UPRT: variants seen among roughly 807,000 people sequenced by gnomAD.
The protein encoded by UPRT is uracil phosphoribosyltransferase homolog.
Under a neutral mutation model 22.6 loss-of-function variants are expected in UPRT, and 5 were observed. The ratio of observed to expected loss-of-function variants is 0.22; its 90% CI spans 0.12 to 0.47. The LOEUF is 0.47. Among genes scored for constraint, UPRT ranks in the 20% least tolerant of loss-of-function variants. The pLI, the probability that UPRT is intolerant of heterozygous loss-of-function variation, is 0.99. For synonymous variants in UPRT, 77 were observed against 87.7 expected (o/e 0.88, Z 0.68); for missense variants, 181 against 239.9 (o/e 0.75, Z 1.62).
intron 4 of UPRT, among the ~76,000 whole-genome samples, chrX:75,261,505 C>G (rs1439616239): frequency 8.9e-6 from 1 of 111,736 alleles, no homozygotes; most frequent in Non-Finnish European, 1.9e-5. Flanking sequence ...ATAACACGCT[C>G]TGAAATTGAA....
At chrX:75,162,335 C>T (rs2082202541) in intron 2 of UPRT, among the ~76,000 whole-genome samples, 1 of 110,965 alleles carries the variant, frequency 9.0e-6, no homozygotes. Flanking sequence ...TATGAAGGAT[C>T]CAGTGAACTG....
rs1372270918 is a variant in UPRT at position 75,190,459 on chromosome X, G to C, written c.-447+22580G>C. On this transcript the variant is annotated intron_variant, in intron 4 of 13. Coordinates refer to the UPRT transcript ENST00000652605. ...GTGAATCTGTCAATTATGTGTCTTG[G>C]AGTTGCTCTTCTCAAGGAGTATCTT... 4.5e-5 allele frequency among the ~76,000 whole-genome samples: 5 copies of C among 111,367 alleles called. No individual in the cohort carries two copies. In the East Asian group the frequency reaches 1.4e-3, roughly 31 times the overall value.
At chrX:75,239,303 A>T (rs542738774) in intron 4 of UPRT, among the ~76,000 whole-genome samples, 48 of 111,852 alleles carry the variant, frequency 4.3e-4, no homozygotes, top group African/African-American at 1.5e-3. Flanking sequence ...AGAAATACAA[A>T]GGATCTTTCA....
exon 4 of UPRT, among the ~76,000 whole-genome samples, chrX:75,167,828 T>C (rs1283088650): frequency 9.1e-6 from 1 of 110,421 alleles, no homozygotes; most frequent in Non-Finnish European, 1.9e-5. Flanking sequence ...TATCCTGGAC[T>C]GTGACACATC....
At position 75,296,377 on chromosome X, in the gene UPRT, G is replaced by A. The variant is rs1168215957; in HGVS notation, c.465G>A (p.Leu155=). Residue 155 remains leucine, a synonymous_variant, in exon 3 of 7, where the codon CTG becomes CTA. Coordinates refer to ENST00000373383, the MANE Select transcript of UPRT (RefSeq NM_145052.4). ...RLVVEEGLNQ[L]PYKECMVTTP... ...TTGTGGAAGAGGGATTGAATCAGCTGCCATATAAAGAATGCATGGTGACCA... is the reference window on the plus strand; with the variant it reads ...TTGTGGAAGAGGGATTGAATCAGCTACCATATAAAGAATGCATGGTGACCA... 14 of 1,208,830 alleles carry A rather than the reference G, an allele frequency of 1.2e-5. No individual in the cohort carries two copies. In the African/African-American group the frequency reaches 1.6e-4, roughly 14 times the overall value.
At chrX:75,173,427 A>C (rs1425504964) in intron 4 of UPRT, among the ~76,000 whole-genome samples, 27 of 111,936 alleles carry the variant, frequency 2.4e-4, no homozygotes. Flanking sequence ...TGGTACACTC[A>C]CAAACCTTGA....
At chrX:75,278,130 A>AT (rs1313330785) in intron 1 of UPRT, among the ~76,000 whole-genome samples, 4 of 110,999 alleles carry the variant, frequency 3.6e-5, no homozygotes, top group Non-Finnish European at 7.5e-5. Context: ...TGGAGTACAT[A>AT]TTTTTTCTTT....
chrX:75,252,131 C>A (rs890703838), intron 4 of UPRT, among the ~76,000 whole-genome samples: 1 of 111,945 alleles, frequency 8.9e-6, no homozygotes, highest in African/African-American at 3.3e-5. Flanking sequence ...CTAGGCAGTA[C>A]CATTCAGGAC....
intron 4 of UPRT, among the ~76,000 whole-genome samples, chrX:75,215,112 G>T (rs2082389169): frequency 9.0e-6 from 1 of 111,226 alleles, no homozygotes; most frequent in South Asian, 3.8e-4. Flanking sequence ...GTTTAAAGAA[G>T]ATATCTTTTT....
At chrX:75,209,086 C>T (rs2082373741) in intron 4 of UPRT, among the ~76,000 whole-genome samples, 1 of 111,845 alleles carries the variant, frequency 8.9e-6, no homozygotes, top group African/African-American at 3.3e-5. Context: ...AAATAGGTTG[C>T]ATAATAGAGG....
At chrX:75,237,729 A>G (rs1478584012) in intron 4 of UPRT, among the ~76,000 whole-genome samples, 2 of 100,362 alleles carry the variant, frequency 2.0e-5, no homozygotes, top group African/African-American at 7.3e-5. Context: ...GTTCTCACTC[A>G]TAGGTGAGAA....
intron 4 of UPRT, among the ~76,000 whole-genome samples, chrX:75,248,156 C>G (rs1012820492): frequency 9.0e-6 from 1 of 111,720 alleles, no homozygotes; most frequent in Non-Finnish European, 1.9e-5. Context: ...AATCAGAACA[C>G]CTCTCCTCCT....
At position 75,296,344 on chromosome X, in the gene UPRT, C is replaced by A. The variant is rs752286365; in HGVS notation, c.432C>A (p.Ile144=). The A allele has an allele frequency of 5.8e-6, 7 of 1,209,695 alleles. No individual in the cohort carries two copies. The East Asian group carries it at 2.1e-4, about 36-fold the overall frequency. The change falls in exon 3 of 7, where the codon ATC becomes ATA. Residue 144 remains isoleucine, a splice_region_variant and synonymous_variant. Coordinates refer to ENST00000373383, the MANE Select transcript of UPRT (RefSeq NM_145052.4). ...GDFMFSADRL[I]RLVVEEGLNQ... ...TTCTTCTTCCTTTGACTCTCTAGAT[C>A]AGACTTGTTGTGGAAGAGGGATTGA...
At chrX:75,253,098 T>C (rs1240720310) in intron 4 of UPRT, among the ~76,000 whole-genome samples, 5 of 110,796 alleles carry the variant, frequency 4.5e-5, no homozygotes, top group Non-Finnish European at 7.6e-5. Context: ...TGCTAAATGA[T>C]GAGTTAATGG....
chrX:75,226,743 T>C (rs183844168), intron 4 of UPRT, among the ~76,000 whole-genome samples: 98 of 110,097 alleles, frequency 8.9e-4, no homozygotes, highest in Non-Finnish European at 1.0e-3. Context: ...CTGCTTGCCA[T>C]CATTTAATGT....
At chrX:75,285,786 A>C (rs1475002267) in intron 1 of UPRT, among the ~76,000 whole-genome samples, 1 of 110,793 alleles carries the variant, frequency 9.0e-6, no homozygotes, top group Non-Finnish European at 1.9e-5. Flanking sequence ...TTTATTAAGA[A>C]GGCGCTAAAG....
chrX:75,241,926 G>T (rs2082489832), intron 4 of UPRT, among the ~76,000 whole-genome samples: 1 of 110,712 alleles, frequency 9.0e-6, no homozygotes, highest in South Asian at 3.9e-4. Context: ...GAGAGGAAGG[G>T]TGGGAAGGGG....
chrX:75,301,084 T>G (rs1342777223), intron 6 of UPRT, 119 bp downstream of exon 6: 1 of 446,461 alleles, frequency 2.2e-6, no homozygotes, highest in African/African-American at 2.5e-5. Context: ...AATCTGAATC[T>G]AATTTGGGTA....
At chrX:75,173,375 T>C (rs1367823695) in intron 4 of UPRT, among the ~76,000 whole-genome samples, 1 of 110,060 alleles carries the variant, frequency 9.1e-6, no homozygotes, top group East Asian at 2.9e-4. Context: ...ACATAAAGGT[T>C]CTCCAAGGCC....
Sources: gnomAD v4.1 joint callset for allele counts (sites outside exome capture counted in the v4.1 genomes callset) on GRCh38, gnomAD v4.1.1 for gene constraint, MANE v1.5 for transcripts, NCBI Gene and HGNC (gene_info 2026-07-23, HGNC 2026-07-21) for gene names.